The following SBF2 variants were observed in gnomAD, a reference collection of about 807,000 sequenced individuals.
The protein encoded by SBF2 is SET binding factor 2, also known as myotubularin-related protein 13.
SBF2 carries 112 observed loss-of-function variants against 225.2 expected under a neutral mutation model. The ratio of observed to expected loss-of-function variants is 0.50; its 90% CI spans 0.43 to 0.58. SBF2 has a LOEUF of 0.58. Ranked by LOEUF, SBF2 falls within the 20% of genes least tolerant of loss-of-function variation. The pLI, the probability that SBF2 is intolerant of heterozygous loss-of-function variation, is 0.00. For missense variants in SBF2, 1,996 were observed against 2,206.2 expected (o/e 0.90, Z 1.91); for synonymous variants, 763 against 773.3 (o/e 0.99, Z 0.22).
At chr11:10,232,684 C>T (rs1242407334) in intron 1 of SBF2, among the ~76,000 whole-genome samples, 1 of 151,794 alleles carries the variant, frequency 6.6e-6, no homozygotes. Flanking sequence ...CTGTCTCAGC[C>T]TCCTGAGCAG....
chr11:10,194,782 A>G (rs1048891707), intron 1 of SBF2, among the ~76,000 whole-genome samples: 3 of 152,124 alleles, frequency 2.0e-5, no homozygotes, highest in Non-Finnish European at 2.9e-5. Context: ...AAGTGCTGGG[A>G]TTACAGGTGT....
chr11:9,784,418 TAA>T lies in SBF2; in HGVS notation c.5250_5251del (p.Tyr1751Ter), dbSNP rs1564849558. The T allele has an allele frequency of 1.2e-6, 2 of 1,614,050 alleles. No individual in the cohort carries two copies. The highest frequency in any genetic ancestry group is 1.7e-6 in the Non-Finnish European group (2 of 1,179,886). On this transcript the variant is annotated frameshift_variant, in exon 38 of 40. Transcript: ENST00000256190. LOFTEE classifies it high-confidence loss of function. ...ACCTTTCAGCAAAGCCCCTCTTTTA[TAA>T]AGTGTTCCCTCAAAGGACCTAGAAG...
At chr11:9,923,925 G>A (rs112257310) in intron 16 of SBF2, among the ~76,000 whole-genome samples, 54 of 152,306 alleles carry the variant, frequency 3.5e-4, no homozygotes, top group African/African-American at 1.3e-3. Context: ...TTTCATGCTA[G>A]TTCCATTAAT....
chr11:9,958,525 AT>A (rs575049175), intron 16 of SBF2: 1 of 159,618 alleles, frequency 6.3e-6, no homozygotes, highest in Non-Finnish European at 1.4e-5. Context: ...CGCCCGGCTA[AT>A]TTTTTGTATT....
intron 33 of SBF2, 129 bp downstream of exon 33, chr11:9,795,702 T>C: frequency 8.5e-7 from 1 of 1,170,648 alleles, no homozygotes; most frequent in Non-Finnish European, 1.2e-6. Context: ...TCCACTCCTC[T>C]ACATTCATAG....
intron 1 of SBF2, among the ~76,000 whole-genome samples, chr11:10,238,133 G>A (rs1047969183): frequency 1.3e-5 from 2 of 152,214 alleles, no homozygotes; most frequent in Non-Finnish European, 2.9e-5. Context: ...GGAGGCTGGT[G>A]CACGGTGGCT....
chr11:9,936,532 A>G (rs1296158042), intron 16 of SBF2, among the ~76,000 whole-genome samples: 1 of 152,234 alleles, frequency 6.6e-6, no homozygotes, highest in Non-Finnish European at 1.5e-5. Context: ...TATTCACAAT[A>G]GCAAAGACTT....
intron 2 of SBF2, among the ~76,000 whole-genome samples, chr11:10,101,323 T>C (rs1470188967): frequency 6.6e-6 from 1 of 152,298 alleles, no homozygotes; most frequent in South Asian, 2.1e-4. Context: ...AGTTTAATAC[T>C]GGGTGCTGAA....
At chr11:10,263,808 C>T (rs7943753) in intron 1 of SBF2, among the ~76,000 whole-genome samples, 4 of 152,082 alleles carry the variant, frequency 2.6e-5, no homozygotes, top group East Asian at 3.8e-4. Context: ...AACATCCTTA[C>T]GGAAAAGGTG....
chr11:10,182,922 G>A (rs934799694), intron 2 of SBF2, among the ~76,000 whole-genome samples: 9 of 151,954 alleles, frequency 5.9e-5, no homozygotes, highest in African/African-American at 2.2e-4. Context: ...TATAGCACGC[G>A]CCACCACGCC....
chr11:9,891,703 G>GT (rs1590349173), intron 17 of SBF2, among the ~76,000 whole-genome samples: 1 of 152,334 alleles, frequency 6.6e-6, no homozygotes, highest in East Asian at 1.9e-4. Flanking sequence ...GAAGGCTTCC[G>GT]TAAGAGTTAA....
intron 1 of SBF2, among the ~76,000 whole-genome samples, chr11:10,246,847 G>A (rs1392942327): frequency 6.6e-6 from 1 of 152,154 alleles, no homozygotes; most frequent in Non-Finnish European, 1.5e-5. Context: ...GGTCGAAGCA[G>A]GAGAATTGCT....
At chr11:9,823,520 A>G in intron 28 of SBF2, among the ~76,000 whole-genome samples, 1 of 150,938 alleles carries the variant, frequency 6.6e-6, no homozygotes, top group African/African-American at 2.4e-5. Context: ...AAAAAAAAAG[A>G]AGAAGAAGAA....
intron 1 of SBF2, among the ~76,000 whole-genome samples, chr11:10,275,977 TAGTTAAA>T (rs1263071341): frequency 6.6e-6 from 1 of 152,138 alleles, no homozygotes; most frequent in African/African-American, 2.4e-5. Context: ...GTTGTAATCA[TAGTTAAA>T]AGCAAAGCAT....
chr11:10,071,323 G>C (rs891014217), intron 2 of SBF2, among the ~76,000 whole-genome samples: 12 of 146,448 alleles, frequency 8.2e-5, no homozygotes, highest in African/African-American at 2.8e-4. Context: ...CTGGAGTGTG[G>C]TGGCGTGATC....
chr11:10,210,078 G>A (rs992854468), intron 1 of SBF2, among the ~76,000 whole-genome samples: 2 of 152,160 alleles, frequency 1.3e-5, no homozygotes, highest in African/African-American at 2.4e-5. Flanking sequence ...GGCTGAGGCA[G>A]GAGGATCACT....
At chr11:10,020,884 C>G (rs1024302481) in intron 6 of SBF2, among the ~76,000 whole-genome samples, 4 of 151,734 alleles carry the variant, frequency 2.6e-5, no homozygotes, top group Non-Finnish European at 4.4e-5. Context: ...ATTTGTAAGA[C>G]AAACTGAACA....
intron 2 of SBF2, among the ~76,000 whole-genome samples, chr11:10,120,321 T>C (rs1286769306): frequency 2.6e-5 from 4 of 152,250 alleles, no homozygotes; most frequent in African/African-American, 9.6e-5. Context: ...ACATTTTCTT[T>C]ATTCTACTGA....
intron 2 of SBF2, among the ~76,000 whole-genome samples, chr11:10,146,310 G>A (rs992564131): frequency 2.0e-4 from 31 of 152,094 alleles, no homozygotes; most frequent in African/African-American, 6.5e-4. Flanking sequence ...CATGTTACCC[G>A]ATTTCAAACT....
Sources: allele counts gnomAD v4.1 joint callset (sites outside exome capture counted in the v4.1 genomes callset), GRCh38; gene constraint gnomAD v4.1.1; transcripts MANE v1.5; gene names NCBI Gene and HGNC (gene_info 2026-07-23, HGNC 2026-07-21).